SOX5: variants seen among roughly 807,000 people sequenced by gnomAD.
The protein encoded by SOX5 is transcription factor SOX-5.
A neutral mutation model predicts 92.0 loss-of-function variants in SOX5; 9 were observed. That is an observed-to-expected ratio of 0.10 (90% CI 0.06 to 0.17). The LOEUF (loss-of-function observed/expected upper bound fraction) is 0.17, where lower values mean the gene tolerates loss of function less well. Among genes scored for constraint, SOX5 ranks in the 10% least tolerant of loss-of-function variants. The pLI is 1.00. For missense variants in SOX5, 642 were observed against 944.5 expected, an observed-to-expected ratio of 0.68 and a Z score of 4.20; for synonymous variants, 344 against 336.3, an observed-to-expected ratio of 1.02 and a Z score of -0.25.
At chr12:23,840,038 A>G (rs2096493515) in intron 3 of SOX5, among the ~76,000 whole-genome samples, 1 of 151,804 alleles carries the variant, frequency 6.6e-6, no homozygotes, top group Non-Finnish European at 1.5e-5. Context: ...AGGAATAAGT[A>G]CAACTGTCTT....
intron 8 of SOX5, among the ~76,000 whole-genome samples, chr12:23,606,875 T>C (rs1382403208): frequency 1.3e-5 from 2 of 152,090 alleles, no homozygotes; most frequent in Non-Finnish European, 2.9e-5. Context: ...AAGAAACATT[T>C]GTAAAAGAGA....
intron 2 of SOX5, among the ~76,000 whole-genome samples, chr12:23,863,475 C>A (rs1352915511): frequency 6.6e-6 from 1 of 152,100 alleles, no homozygotes; most frequent in Non-Finnish European, 1.5e-5. Context: ...CAATTTCAAT[C>A]CACATCTCTG....
chr12:23,781,721 A>G (rs138973786), intron 3 of SOX5, among the ~76,000 whole-genome samples: 2 of 152,112 alleles, frequency 1.3e-5, no homozygotes, highest in East Asian at 3.9e-4. Context: ...ATATGTGTAT[A>G]TGCATTTCTT....
At position 23,532,148 on chromosome 12, in the gene SOX5, AC is replaced by A. The variant is rs1939226849; in HGVS notation, c.*2070del. 6.6e-6 allele frequency: 1 copy of A among 151,650 alleles called. No individual in the cohort carries two copies. Among genetic ancestry groups the A allele is most frequent in the South Asian group, 2.1e-4 (1 of 4,822 alleles). 9.4% of individuals were successfully genotyped at this position (151,650 alleles called of 1,614,324 possible). A position where few individuals can be genotyped will look rare whatever the true frequency, so the allele number is the denominator to read the frequency against. On this transcript the variant is annotated 3_prime_UTR_variant, in exon 15 of 15. Coordinates refer to ENST00000451604, the MANE Select transcript of SOX5 (RefSeq NM_006940.6). ...TTATTTTATCATCATCATCATTACA[AC>A]ACTAGCAAAAAGAGGCAGTTCAAAT...
At chr12:23,853,607 C>T (rs527646199) in intron 2 of SOX5, among the ~76,000 whole-genome samples, 7 of 148,228 alleles carry the variant, frequency 4.7e-5, no homozygotes, top group African/African-American at 1.7e-4. Context: ...CCTTCAGAAT[C>T]ACACTTGCTA....
At chr12:23,546,497 A>T in intron 11 of SOX5, 73 bp from the exon 12 acceptor site, 1 of 821,286 alleles carries the variant, frequency 1.2e-6, no homozygotes, top group Non-Finnish European at 2.0e-6. Context: ...TTTGGGCCAC[A>T]TATATAATAC....
chr12:23,789,046 G>C (rs773613185), intron 3 of SOX5, among the ~76,000 whole-genome samples: 2 of 151,874 alleles, frequency 1.3e-5, no homozygotes, highest in Non-Finnish European at 2.9e-5. Context: ...AAATAAAAAT[G>C]TTGTCAAAAC....
intron 3 of SOX5, among the ~76,000 whole-genome samples, chr12:24,248,191 G>T (rs1229063329): frequency 6.6e-6 from 1 of 152,118 alleles, no homozygotes; most frequent in Non-Finnish European, 1.5e-5. Context: ...ACACTGTTGG[G>T]GAATTGAATG....
chr12:24,070,395 T>C (rs1472526290), intron 4 of SOX5, among the ~76,000 whole-genome samples: 1 of 152,272 alleles, frequency 6.6e-6, no homozygotes, highest in Non-Finnish European at 1.5e-5. Context: ...ATGGACAGTT[T>C]TGTTTGTGCC....
intron 9 of SOX5, among the ~76,000 whole-genome samples, chr12:23,599,518 T>C (rs1329419620): frequency 6.6e-6 from 1 of 152,196 alleles, no homozygotes; most frequent in Admixed American, 6.5e-5. Context: ...CACCCAGGAA[T>C]TCTCTCTTGT....
chr12:24,430,878 C>G (rs1261698407), intron 1 of SOX5, among the ~76,000 whole-genome samples: 1 of 152,106 alleles, frequency 6.6e-6, no homozygotes, highest in Non-Finnish European at 1.5e-5. Context: ...TTCTGAGCCT[C>G]AAATCTACTC....
rs1942061399 is a variant in SOX5 at position 24,261,367 on chromosome 12, T to C, written c.-77+15849A>G. Among the ~76,000 whole-genome samples the C allele has an allele frequency of 2.6e-5, 4 of 152,184 alleles. No homozygotes were observed. The South Asian group carries it at 8.3e-4, about 32-fold the overall frequency. On this transcript the variant is annotated intron_variant, in intron 3 of 4. Transcript: ENST00000446891. ...GCAAAGGATCACTCCACTGAATTTG[T>C]ATTACTTGGATTTACCATTGCTCCC...
rs142662733 is a variant in SOX5 at position 24,129,273 on chromosome 12, T to C, written c.-2+84070A>G. ...CATATTAACAGCTTTAGTCTACGTCTGTTAAAAACAAGTTCAGTACAATAG... is the reference window on the plus strand; with the variant it reads ...CATATTAACAGCTTTAGTCTACGTCCGTTAAAAACAAGTTCAGTACAATAG... On this transcript the variant is annotated intron_variant, in intron 4 of 4. Coordinates refer to the SOX5 transcript ENST00000446891. Among the ~76,000 whole-genome samples, 362 of 152,358 alleles carry C rather than the reference T, an allele frequency of 2.4e-3. 2 individuals carry two copies. Among genetic ancestry groups the C allele is most frequent in the Middle Eastern group, 0.01 (3 of 294 alleles).
At chr12:23,690,041 C>T (rs1442709962) in intron 6 of SOX5, among the ~76,000 whole-genome samples, 1 of 152,172 alleles carries the variant, frequency 6.6e-6, no homozygotes, top group South Asian at 2.1e-4. Flanking sequence ...CATATAATCA[C>T]TACCTCAAGT....
At chr12:23,580,112 T>C (rs956846350) in intron 9 of SOX5, among the ~76,000 whole-genome samples, 1 of 152,058 alleles carries the variant, frequency 6.6e-6, no homozygotes, top group Non-Finnish European at 1.5e-5. Flanking sequence ...ATAATTTACA[T>C]TTATAGGGTT....
intron 2 of SOX5, among the ~76,000 whole-genome samples, chr12:24,319,005 T>C (rs1460822336): frequency 1.3e-5 from 2 of 152,164 alleles, no homozygotes; most frequent in Non-Finnish European, 2.9e-5. Context: ...CATATCCTCC[T>C]TCCACACAGA....
At chr12:24,199,567 C>T (rs1434931750) in intron 4 of SOX5, among the ~76,000 whole-genome samples, 2 of 152,130 alleles carry the variant, frequency 1.3e-5, no homozygotes, top group Non-Finnish European at 2.9e-5. Flanking sequence ...TGGAATAGAG[C>T]CCATCCCAGC....
chr12:24,004,995 C>T (rs149400294), intron 4 of SOX5, among the ~76,000 whole-genome samples: 11 of 151,876 alleles, frequency 7.2e-5, no homozygotes, highest in Non-Finnish European at 1.0e-4. Context: ...TTACCCTAAG[C>T]GAAAGAAGGC....
intron 4 of SOX5, among the ~76,000 whole-genome samples, chr12:23,999,654 T>C (rs1025850279): frequency 6.6e-6 from 1 of 152,058 alleles, no homozygotes; most frequent in Non-Finnish European, 1.5e-5. Context: ...AAAAAGTCTT[T>C]TACTTTAAAA....
Sources: allele counts gnomAD v4.1 joint callset (sites outside exome capture counted in the v4.1 genomes callset), GRCh38; gene constraint gnomAD v4.1.1; transcripts MANE v1.5; gene names NCBI Gene and HGNC (gene_info 2026-07-23, HGNC 2026-07-21).